CALD1: variants seen among roughly 807,000 people sequenced by gnomAD.
CALD1 encodes caldesmon 1, also known as caldesmon.
In CALD1, 33 loss-of-function variants were observed where a neutral mutation model predicts 99.9. The observed-to-expected ratio is 0.33, with a 90% confidence interval of 0.25 to 0.44. The LOEUF (loss-of-function observed/expected upper bound fraction) is 0.44, where lower values mean the gene tolerates loss of function less well. Ranked by LOEUF, CALD1 falls within the 20% of genes least tolerant of loss-of-function variation. The probability of loss-of-function intolerance (pLI) is 1.00; values close to 1 mark genes in which losing one functional copy is unlikely to be tolerated. For synonymous variants in CALD1, 310 were observed against 325.0 expected, an observed-to-expected ratio of 0.95 and a Z score of 0.50; for missense variants, 861 against 962.1, an observed-to-expected ratio of 0.89 and a Z score of 1.39.
Position 134,962,388 on chromosome 7 carries a change from A to G in CALD1, c.2295+1760A>G, listed in dbSNP as rs3735045. ...TCCTAAAAAAAAAAAAAAAAAAAAA[A>G]AGGCATTGCAGAGAAATTACAAAAT... On this transcript the variant is annotated intron_variant, in intron 13 of 14. Transcript: ENST00000361675. The G allele has an allele frequency of 0.018, 2,824 of 152,714 alleles. 136 individuals are homozygous for G. In the East Asian group the frequency reaches 0.2, roughly 11 times the overall value. 9.5% of individuals were successfully genotyped at this position (152,714 alleles called of 1,614,324 possible). A position where few individuals can be genotyped will look rare whatever the true frequency, so the allele number is the denominator to read the frequency against.
chr7:134,908,166 T>C (rs1020894347), intron 3 of CALD1, among the ~76,000 whole-genome samples: 2 of 152,182 alleles, frequency 1.3e-5, no homozygotes, highest in African/African-American at 4.8e-5. Context: ...TAAAATCTTC[T>C]CGGTCACCAG....
At chr7:134,948,691 C>A (rs1000352854) in intron 8 of CALD1, among the ~76,000 whole-genome samples, 6 of 152,100 alleles carry the variant, frequency 3.9e-5, no homozygotes, top group Non-Finnish European at 8.8e-5. Context: ...AAAAAAAAGA[C>A]TTTCAATGGC....
intron 1 of CALD1, among the ~76,000 whole-genome samples, chr7:134,762,733 A>G (rs898759169): frequency 6.6e-6 from 1 of 152,092 alleles, no homozygotes; most frequent in Admixed American, 6.5e-5. Context: ...CTCACTCACT[A>G]TCACGAGAAC....
At chr7:134,790,088 A>T (rs1414288189) in intron 1 of CALD1, among the ~76,000 whole-genome samples, 1 of 148,786 alleles carries the variant, frequency 6.7e-6, no homozygotes, top group Admixed American at 6.7e-5. Flanking sequence ...ATAAGGAGAG[A>T]GAGAGAGAGA....
chr7:134,839,162 C>T (rs979642095), intron 1 of CALD1, among the ~76,000 whole-genome samples: 17 of 152,094 alleles, frequency 1.1e-4, no homozygotes, highest in African/African-American at 3.4e-4. Flanking sequence ...GTCTGGGCTT[C>T]GGTTTTTATA....
At chr7:134,814,263 A>G (rs1209960959) in intron 1 of CALD1, among the ~76,000 whole-genome samples, 1 of 152,234 alleles carries the variant, frequency 6.6e-6, no homozygotes, top group African/African-American at 2.4e-5. Context: ...TGCAGGGAAC[A>G]TTCAAAGAAG....
chr7:134,856,288 C>G (rs371459050), intron 2 of CALD1, among the ~76,000 whole-genome samples: 3 of 152,188 alleles, frequency 2.0e-5, no homozygotes, highest in East Asian at 1.9e-4. Flanking sequence ...CAGGAATGCC[C>G]ATGGCAACCT....
chr7:134,745,179 A>G (rs1366422547), intron 1 of CALD1, among the ~76,000 whole-genome samples: 1 of 152,220 alleles, frequency 6.6e-6, no homozygotes, highest in Non-Finnish European at 1.5e-5. Context: ...TTCTTACCAG[A>G]GAAGATAAAA....
Position 134,958,113 on chromosome 7 carries a change from G to GTAAA in CALD1, c.1979+4_1979+7dup. On this transcript the variant is annotated splice_donor_variant, in intron 10 of 14. Transcript: ENST00000361675. LOFTEE classifies it high-confidence loss of function. ...TTTTGAATAAGTCTGTGCAGAAAAGGTAAATATGCTTGATGGTTCAATTGA... is the reference window on the plus strand; with the variant it reads ...TTTTGAATAAGTCTGTGCAGAAAAGGTAAATAAATATGCTTGATGGTTCAATTGA... 1 of 1,610,736 alleles carries GTAAA rather than the reference G, an allele frequency of 6.2e-7. No homozygotes were observed. The highest frequency in any genetic ancestry group is 8.5e-7 in the Non-Finnish European group (1 of 1,177,844).
the CALD1 span, among the ~76,000 whole-genome samples, chr7:134,717,933 T>C: frequency 3.9e-5 from 6 of 152,244 alleles, no homozygotes; most frequent in Non-Finnish European, 8.8e-5. Flanking sequence ...GAGAAAATGC[T>C]AGCAATATAG....
chr7:134,771,346 T>C (rs1796876453), intron 1 of CALD1, among the ~76,000 whole-genome samples: 1 of 152,162 alleles, frequency 6.6e-6, no homozygotes, highest in Non-Finnish European at 1.5e-5. Context: ...TCCCTGCAAA[T>C]GTCCGTCCCC....
At chr7:134,966,531 G>C (rs1380330417) in intron 14 of CALD1, among the ~76,000 whole-genome samples, 2 of 152,132 alleles carry the variant, frequency 1.3e-5, no homozygotes, top group Non-Finnish European at 2.9e-5. Context: ...CACCATGTGA[G>C]GTAAGTAGTT....
At chr7:134,856,619 T>C (rs1310874996) in intron 2 of CALD1, among the ~76,000 whole-genome samples, 3 of 152,220 alleles carry the variant, frequency 2.0e-5, no homozygotes, top group African/African-American at 7.2e-5. Flanking sequence ...TCTTTTCTTA[T>C]TCATCCTGTC....
chr7:134,966,325 C>T (rs1808678355), intron 14 of CALD1, among the ~76,000 whole-genome samples: 1 of 152,194 alleles, frequency 6.6e-6, no homozygotes, highest in African/African-American at 2.4e-5. Flanking sequence ...TATTACCCCA[C>T]CTTCACTATT....
intron 3 of CALD1, among the ~76,000 whole-genome samples, chr7:134,872,424 G>T (rs1450169024): frequency 6.7e-6 from 1 of 149,266 alleles, no homozygotes; most frequent in Non-Finnish European, 1.5e-5. Flanking sequence ...CAACTTTTAT[G>T]CCATTACCTC....
intron 2 of CALD1, among the ~76,000 whole-genome samples, chr7:134,844,577 A>C (rs1407386448): frequency 6.6e-6 from 1 of 152,162 alleles, no homozygotes; most frequent in African/African-American, 2.4e-5. Flanking sequence ...TCAGCACACC[A>C]CTCAGGCAAT....
At chr7:134,816,018 A>T (rs1455713286) in intron 1 of CALD1, among the ~76,000 whole-genome samples, 2 of 152,122 alleles carry the variant, frequency 1.3e-5, no homozygotes, top group Non-Finnish European at 2.9e-5. Flanking sequence ...TCTTAACTAG[A>T]TCCAGAACAT....
At chr7:134,869,285 G>A (rs1441897535) in intron 3 of CALD1, among the ~76,000 whole-genome samples, 1 of 152,138 alleles carries the variant, frequency 6.6e-6, no homozygotes, top group East Asian at 1.9e-4. Context: ...CCTGTTGAGT[G>A]TTTAAGGGAA....
chr7:134,777,885 C>T (rs140353333), upstream of CALD1, among the ~76,000 whole-genome samples: 277 of 152,252 alleles, frequency 1.8e-3, 1 homozygote, highest in Non-Finnish European at 1.6e-3. Context: ...CAAAACTGGC[C>T]GTGTTCCGAA....
Sources: gnomAD v4.1 joint callset for allele counts (sites outside exome capture counted in the v4.1 genomes callset) on GRCh38, gnomAD v4.1.1 for gene constraint, MANE v1.5 for transcripts, NCBI Gene and HGNC (gene_info 2026-07-23, HGNC 2026-07-21) for gene names.